SGPL1: variants seen among roughly 807,000 people sequenced by gnomAD.
SGPL1 encodes the protein sphingosine-1-phosphate lyase 1.
Under a neutral mutation model 68.9 loss-of-function variants are expected in SGPL1, and 37 were observed. The ratio of observed to expected loss-of-function variants is 0.54; its 90% confidence interval spans 0.41 to 0.71. The LOEUF (loss-of-function observed/expected upper bound fraction) is 0.71. Among genes scored for constraint, SGPL1 ranks in the 30% least tolerant of loss-of-function variants. SGPL1 has a pLI of 0.00. For missense variants in SGPL1, 551 were observed against 704.6 expected, an observed-to-expected ratio of 0.78 and a Z score of 2.47; for synonymous variants, 236 against 248.5, an observed-to-expected ratio of 0.95 and a Z score of 0.47.
intron 7 of SGPL1, among the ~76,000 whole-genome samples, chr10:70,859,984 T>C (rs1322588363): frequency 6.6e-6 from 1 of 152,194 alleles, no homozygotes; most frequent in Non-Finnish European, 1.5e-5. Context: ...CATCCAGCAG[T>C]GTTTTTAGTG....
chr10:70,870,165 C>G, intron 9 of SGPL1: 1 of 319,830 alleles, frequency 3.1e-6, no homozygotes, highest in Middle Eastern at 8.5e-4. Context: ...TCTTTCTTTT[C>G]TCTATTTGTA....
intron 2 of SGPL1, 90 bp downstream of exon 2, chr10:70,816,970 G>C: frequency 8.1e-7 from 1 of 1,233,830 alleles, no homozygotes; most frequent in South Asian, 1.2e-5. Flanking sequence ...TTTCACCTCT[G>C]ATGCTTGCTT....
rs936787373 is a variant in SGPL1, at chr10:70,877,391, A to G, written c.*56A>G. On this transcript the variant is annotated 3_prime_UTR_variant, in exon 15 of 15. Coordinates refer to ENST00000373202, the MANE Select transcript of SGPL1 (RefSeq NM_003901.4). ...CCAGCCTTCAGAAGGTTCTTGGGAT[A>G]TGGAACAGGCCGTGCACAACTTTGA... 6.3e-7 allele frequency: 1 copy of G among 1,581,788 alleles called. No individual in the cohort carries two copies.
At chr10:70,867,598 T>A (rs1589472991) in intron 7 of SGPL1, among the ~76,000 whole-genome samples, 2 of 150,500 alleles carry the variant, frequency 1.3e-5, no homozygotes, top group African/African-American at 4.9e-5. Context: ...GTTTGTTAGG[T>A]GTCAGCCACT....
intron 2 of SGPL1, among the ~76,000 whole-genome samples, chr10:70,842,084 G>T (rs1216987219): frequency 1.3e-5 from 2 of 151,932 alleles, no homozygotes; most frequent in African/African-American, 4.8e-5. Context: ...ATTTTTCTAC[G>T]TAGTTCATGT....
At chr10:70,823,363 A>G (rs1845375923) in intron 2 of SGPL1, among the ~76,000 whole-genome samples, 1 of 152,104 alleles carries the variant, frequency 6.6e-6, no homozygotes, top group Non-Finnish European at 1.5e-5. Context: ...GAACAACCTT[A>G]ACTTTTATCC....
chr10:70,828,613 A>G (rs1393264584), intron 2 of SGPL1, among the ~76,000 whole-genome samples: 1 of 152,224 alleles, frequency 6.6e-6, no homozygotes, highest in Non-Finnish European at 1.5e-5. Flanking sequence ...GATGGGAACA[A>G]AGCAACCTTA....
chr10:70,842,837 A>G (rs1203444497), intron 2 of SGPL1, among the ~76,000 whole-genome samples: 1 of 151,940 alleles, frequency 6.6e-6, no homozygotes, highest in Admixed American at 6.6e-5. Flanking sequence ...TTAAGTGTTC[A>G]CTCATTTACT....
At chr10:70,845,998 A>G (rs1845786574) in intron 3 of SGPL1, among the ~76,000 whole-genome samples, 1 of 152,220 alleles carries the variant, frequency 6.6e-6, no homozygotes, top group Non-Finnish European at 1.5e-5. Context: ...TTTACCCTGC[A>G]AATAGCTTCT....
chr10:70,881,036 C>A lies in SGPL1; in HGVS notation c.*3701C>A, dbSNP rs756409333. ...GTAGGCAAAGTCAGATTTTTGAGAA[C>A]CTTTTTCCTGATTTGAAGTTTTAAT... On this transcript the variant is annotated 3_prime_UTR_variant, in exon 15 of 15. Transcript: ENST00000373202. 3.9e-5 allele frequency: 6 copies of A among 152,044 alleles called. No homozygotes were observed. Among genetic ancestry groups the A allele is most frequent in the Admixed American group, 2.0e-4 (3 of 15,280 alleles). 9.4% of individuals were successfully genotyped at this position (152,044 alleles called of 1,614,324 possible).
At chr10:70,834,811 C>A (rs1246746558) in intron 2 of SGPL1, among the ~76,000 whole-genome samples, 2 of 152,178 alleles carry the variant, frequency 1.3e-5, no homozygotes, top group Non-Finnish European at 2.9e-5. Context: ...TAGTTTGGCT[C>A]TGGAAAACTA....
chr10:70,874,000 G>A (rs1319809269), intron 12 of SGPL1, among the ~76,000 whole-genome samples: 1 of 152,172 alleles, frequency 6.6e-6, no homozygotes, highest in Admixed American at 6.5e-5. Context: ...AGTGGAACTG[G>A]GATGGGCTCT....
rs143685682 is a variant in SGPL1 at position 70,873,579 on chromosome 10, C to T, written c.1288C>T (p.Leu430Phe). ...TKQIIKTARF[L>F]KSELENIKGI... is the part of the protein sequence containing the mutation. Reference sequence around the variant, plus strand: ...ACAGATCATCAAAACTGCTCGCTTCCTCAAGTCAGAGTATGTGTGGAAGAC... The same window carrying T: ...ACAGATCATCAAAACTGCTCGCTTCTTCAAGTCAGAGTATGTGTGGAAGAC... Residue 430 changes from leucine to phenylalanine, a missense_variant, in exon 12 of 15, where the codon CTC (leucine) becomes TTC (phenylalanine). Physicochemically the swap from Leu to Phe is conservative, Grantham distance 22. Transcript: ENST00000373202. 60 of 1,612,086 alleles carry T rather than the reference C, an allele frequency of 3.7e-5. No homozygotes were observed. Among genetic ancestry groups the T allele is most frequent in the Non-Finnish European group, 4.8e-5 (56 of 1,178,190 alleles).
At chr10:70,859,020 G>A (rs1204115200) in intron 6 of SGPL1, among the ~76,000 whole-genome samples, 1 of 152,198 alleles carries the variant, frequency 6.6e-6, no homozygotes, top group Non-Finnish European at 1.5e-5. Context: ...TAGAACACTA[G>A]AAGATAGCTA....
intron 3 of SGPL1, 119 bp from the exon 4 acceptor site, chr10:70,851,024 G>T: frequency 5.4e-6 from 4 of 742,648 alleles, no homozygotes; most frequent in East Asian, 2.7e-5. Flanking sequence ...TTTTTTAAAC[G>T]AAAGAAACTC....
intron 2 of SGPL1, among the ~76,000 whole-genome samples, chr10:70,834,774 T>C (rs1845598212): frequency 6.6e-6 from 1 of 152,182 alleles, no homozygotes; most frequent in Non-Finnish European, 1.5e-5. Flanking sequence ...CTTTGAGAAC[T>C]GTTGGTCTCC....
Position 70,878,785 on chromosome 10 carries a change from A to G in SGPL1, c.*1450A>G, listed in dbSNP as rs1846445004. On this transcript the variant is annotated 3_prime_UTR_variant, in exon 15 of 15. Transcript: ENST00000373202. ...CCTTGATTCAGCTTTCAGAGGTACT[A>G]TGGCAGTTTTGCCTCAGGTGCTGAA... 6.6e-6 allele frequency: 1 copy of G among 152,234 alleles called. No individual in the cohort carries two copies. Among genetic ancestry groups the G allele is most frequent in the Non-Finnish European group, 1.5e-5 (1 of 68,060 alleles). 9.4% of individuals were successfully genotyped at this position (152,234 alleles called of 1,614,324 possible).
At chr10:70,835,376 G>A (rs1178752820) in intron 2 of SGPL1, among the ~76,000 whole-genome samples, 2 of 152,148 alleles carry the variant, frequency 1.3e-5, no homozygotes. Context: ...GGCTAATGCA[G>A]TTTGGCCCTG....
intron 3 of SGPL1, among the ~76,000 whole-genome samples, chr10:70,846,356 A>G (rs1845792140): frequency 7.0e-6 from 1 of 142,182 alleles, no homozygotes. Flanking sequence ...GTAGCAAGAA[A>G]TATACTTTCT....
Sources: allele counts gnomAD v4.1 joint callset (sites outside exome capture counted in the v4.1 genomes callset), GRCh38; gene constraint gnomAD v4.1.1; transcripts MANE v1.5; gene names NCBI Gene and HGNC (gene_info 2026-07-23, HGNC 2026-07-21).